BOP1: variants seen among roughly 807,000 people sequenced by gnomAD.
The protein encoded by BOP1 is BOP1 ribosomal biogenesis factor.
BOP1 carries 54 observed loss-of-function variants against 82.9 expected under a neutral mutation model. That is an observed-to-expected ratio of 0.65 (90% CI 0.52 to 0.82). The LOEUF (loss-of-function observed/expected upper bound fraction) is 0.82. Among genes scored for constraint, BOP1 ranks in the 40% least tolerant of loss-of-function variants. BOP1 has a pLI of 0.00. For missense variants in BOP1, 1,170 were observed against 1,072.0 expected (o/e 1.09, Z -1.28); for synonymous variants, 566 against 451.1 (o/e 1.25, Z -3.23).
chr8:144,265,499 G>GAAGCC, intron 3 of BOP1: 1 of 218,790 alleles, frequency 4.6e-6, no homozygotes, highest in Admixed American at 5.3e-5. Flanking sequence ...CAGAGAGGCA[G>GAAGCC]AAGCCAAGAC....
intron 2 of BOP1, among the ~76,000 whole-genome samples, chr8:144,286,939 A>C (rs1327748351): frequency 2.0e-5 from 3 of 152,258 alleles, no homozygotes; most frequent in African/African-American, 7.2e-5. Context: ...CGAGAAGAGA[A>C]GATGGCGCCT....
At chr8:144,289,339 CT>C (rs1263020868) in intron 1 of BOP1, 35 bp from the exon 2 acceptor site, 2 of 1,602,966 alleles carry the variant, frequency 1.2e-6, no homozygotes, top group African/African-American at 2.7e-5. Flanking sequence ...ACAACTGCCC[CT>C]CCAGGCATGG....
In BOP1 at chr8:144,289,182, A is replaced by G. The variant is rs1172527745; in HGVS notation, c.222T>C (p.Asp74=). The G allele has an allele frequency of 6.2e-7, 1 of 1,614,134 alleles. No homozygotes were observed. The highest frequency in any genetic ancestry group is 8.5e-7 in the Non-Finnish European group (1 of 1,180,016). Residue 74 remains aspartate, a synonymous_variant, in exon 2 of 16, where the codon GAT becomes GAC. Transcript: ENST00000569669. ...CCTCTCCCTCCTCGTCGCCTTCGTC[A>G]TCATCCTCACTGCTGTCACTGCCGG... The part of the protein sequence containing the change: ...EDSGSDSSED[D]DEGDEEGEDG...
intron 3 of BOP1, chr8:144,268,607 C>T (rs1437349612): frequency 3.0e-5 from 6 of 203,214 alleles, no homozygotes; most frequent in African/African-American, 1.2e-4. Flanking sequence ...TGGGAAGCCC[C>T]CACTTTCCAG....
In BOP1 at chr8:144,264,315, G is replaced by C; in HGVS notation, c.888C>G (p.His296Gln). Residue 296 changes from histidine (H) to glutamine (Q), a missense_variant, in exon 7 of 16, where the codon CAC becomes CAG. Coordinates refer to ENST00000569669, the MANE Select transcript of BOP1 (RefSeq NM_015201.5). ...GCTTGGGAGCAGGTACGTGCATCTT[G>C]TGGCGCCCGAGCACGGCGTTGGGGT... Reference protein sequence around the residue: ...QEDPNAVLGRHKMHVPAPKLA... With the variant: ...QEDPNAVLGRQKMHVPAPKLA... 3 of 1,610,610 alleles carry C rather than the reference G, an allele frequency of 1.9e-6. No individual in the cohort carries two copies. Among genetic ancestry groups the C allele is most frequent in the East Asian group, 2.2e-5 (1 of 44,868 alleles).
chr8:144,281,619 C>T (rs1432706788), intron 2 of BOP1: 1 of 150,942 alleles, frequency 6.6e-6, no homozygotes, highest in African/African-American at 2.5e-5. Context: ...AGGTCTTAGG[C>T]CTTCTCTTAC....
At chr8:144,290,631 A>AG (rs1815028701) in intron 1 of BOP1, among the ~76,000 whole-genome samples, 1 of 152,240 alleles carries the variant, frequency 6.6e-6, no homozygotes, top group African/African-American at 2.4e-5. Context: ...CAAGGGTGGA[A>AG]GTCGCAGAAC....
In BOP1 at chr8:144,264,431, G is replaced by C; in HGVS notation, c.772C>G (p.Arg258Gly). 7 of 1,603,588 alleles carry C rather than the reference G, an allele frequency of 4.4e-6. No homozygotes were observed. In the South Asian group the frequency reaches 5.5e-5, roughly 13 times the overall value. Residue 258 changes from arginine (R) to glycine (G), a missense_variant, in exon 7 of 16, where the codon CGC (arginine) becomes GGC (glycine). Transcript: ENST00000569669. ...PSLVEKEKVS[R>G]MVHAIKMGWI... ...CCCATCTTGATGGCGTGCACCATGC[G>C]AGAGACCTGCATAGACAGCCGGGTC...
chr8:144,266,971 G>A (rs1380189124), intron 3 of BOP1: 1 of 1,555,082 alleles, frequency 6.4e-7, no homozygotes, highest in Non-Finnish European at 8.6e-7. Flanking sequence ...GCTGCGCCTG[G>A]CCTCCAGCTA....
chr8:144,274,794 GC>G (rs1380812590), intron 3 of BOP1, among the ~76,000 whole-genome samples: 1 of 152,084 alleles, frequency 6.6e-6, no homozygotes, highest in African/African-American at 2.4e-5. Context: ...GGTCCCACAG[GC>G]CCCGCCGAGG....
rs2130216943 is a variant in BOP1 at position 144,268,425 on chromosome 8, T to C, written c.391-3354A>G. 7.0e-6 allele frequency: 4 copies of C among 571,624 alleles called. No individual in the cohort carries two copies. The East Asian group carries it at 1.2e-4, about 17-fold the overall frequency. The allele number at this position is 571,624 out of a possible 1,614,324, so 35.4% of individuals were successfully genotyped here. A position where few individuals can be genotyped will look rare whatever the true frequency, so the allele number is the denominator to read the frequency against. ...GTGATGGCATCTTGTGTTTTTGATA[T>C]GATAATATAAAGTCTGAAAATTTTG... On this transcript the variant is annotated intron_variant, in intron 3 of 15. Coordinates refer to ENST00000569669, the MANE Select transcript of BOP1 (RefSeq NM_015201.5).
In BOP1 at chr8:144,263,340, C is replaced by A. The variant is rs1845276009; in HGVS notation, c.1486G>T (p.Asp496Tyr). ...GGGACGAAGGCGCTCAACAGCTGATCTGTGCTGCCCGCCACCAGCCGGTCC... is the reference window on the plus strand; with the variant it reads ...GGGACGAAGGCGCTCAACAGCTGATATGTGCTGCCCGCCACCAGCCGGTCC... ...LGDRLVAGSTDQLLSAFVPPE... is the reference protein window; with the variant it reads ...LGDRLVAGSTYQLLSAFVPPE... The change falls in exon 12 of 16, where the codon GAT becomes TAT. Residue 496 changes from aspartate to tyrosine, a missense_variant. Coordinates refer to ENST00000569669, the MANE Select transcript of BOP1 (RefSeq NM_015201.5). 1 of 1,595,118 alleles carries A rather than the reference C, an allele frequency of 6.3e-7. No individual in the cohort carries two copies. The highest frequency in any genetic ancestry group is 8.5e-7 in the Non-Finnish European group (1 of 1,179,074).
At chr8:144,262,746 C>A in intron 13 of BOP1, 74 bp from the exon 14 acceptor site, 2 of 1,503,232 alleles carry the variant, frequency 1.3e-6, no homozygotes, top group South Asian at 1.2e-5. Flanking sequence ...GTCACCTACA[C>A]CCCTCACCTG....
chr8:144,283,266 A>G (rs1247647319), intron 2 of BOP1, among the ~76,000 whole-genome samples: 1 of 147,814 alleles, frequency 6.8e-6, no homozygotes, highest in African/African-American at 2.5e-5. Context: ...GTGGTGCCAG[A>G]TAACAAAACA....
rs1201804521 is a variant in BOP1, at chr8:144,262,425, A to G, written c.2058T>C (p.Ser686=). ...ACACCATGCCATGGCAGACGATGACACTGCCGTCGTCCGAGCCTGACGCAA... is the reference window on the plus strand; with the variant it reads ...ACACCATGCCATGGCAGACGATGACGCTGCCGTCGTCCGAGCCTGACGCAA... ...PLFASGSDDG[S]VIVCHGMVYN... Residue 686 remains serine (S), a synonymous_variant, in exon 15 of 16, where the codon AGT becomes AGC. Transcript: ENST00000569669. 4 of 1,612,670 alleles carry G rather than the reference A, an allele frequency of 2.5e-6. No individual in the cohort carries two copies. The highest frequency in any genetic ancestry group is 2.2e-5 in the South Asian group (2 of 91,086).
Position 144,263,927 on chromosome 8 carries a change from G to A in BOP1, c.1141-16C>T, listed in dbSNP as rs910408052. ...CTACATTCACCTGGGGCAGGAGAGC[G>A]CCAGGTCAGCCTTGCCCCCTGTGCC... On this transcript the variant is annotated splice_polypyrimidine_tract_variant and intron_variant, in intron 8 of 15. Transcript: ENST00000569669. 1.1e-4 allele frequency: 173 copies of A among 1,610,964 alleles called. No individual in the cohort carries two copies. In the African/African-American group the frequency reaches 1.5e-3, roughly 14 times the overall value.
chr8:144,263,698 C>T lies in BOP1; in HGVS notation c.1285G>A (p.Val429Ile), dbSNP rs1845290402. 3 of 1,574,880 alleles carry T rather than the reference C, an allele frequency of 1.9e-6. No homozygotes were observed. The highest frequency in any genetic ancestry group is 2.6e-6 in the Non-Finnish European group (3 of 1,161,624). ...LSVSPGGQWL[V>I]SGSDDGSLRL... is the part of the protein sequence containing the mutation. ...GCCCCCAGCTCGGACCCACCTGAAA[C>T]CAGCCACTGGCCCCCAGGAGAGACA... The change falls in exon 10 of 16, where the codon GTT becomes ATT. Residue 429 changes from valine (V) to isoleucine (I), a missense_variant. Coordinates refer to ENST00000569669, the MANE Select transcript of BOP1 (RefSeq NM_015201.5).
chr8:144,278,288 G>A (rs1262955640), intron 2 of BOP1, among the ~76,000 whole-genome samples: 1 of 152,224 alleles, frequency 6.6e-6, no homozygotes, highest in Non-Finnish European at 1.5e-5. Context: ...AAAGGCTGCT[G>A]TAGTCCCTGA....
At chr8:144,267,729 TGTG>T (rs1316192716) in intron 3 of BOP1, among the ~76,000 whole-genome samples, 1 of 150,976 alleles carries the variant, frequency 6.6e-6, no homozygotes, top group African/African-American at 2.4e-5. Flanking sequence ...TGGCAGGAGA[TGTG>T]GGGGCTGGGG....
Sources: allele counts gnomAD v4.1 joint callset (sites outside exome capture counted in the v4.1 genomes callset), GRCh38; gene constraint gnomAD v4.1.1; transcripts MANE v1.5; gene names NCBI Gene and HGNC (gene_info 2026-07-23, HGNC 2026-07-21).